The following SORBS2 variants were observed in gnomAD, a reference collection of about 807,000 sequenced individuals.
SORBS2 encodes sorbin and SH3 domain-containing protein 2.
In SORBS2, 46 loss-of-function variants were observed where a neutral mutation model predicts 97.7. The observed-to-expected ratio is 0.47, with a 90% CI of 0.37 to 0.60. The LOEUF is 0.60. Ranked by LOEUF, SORBS2 falls within the 20% of genes least tolerant of loss-of-function variation. The pLI, the probability that SORBS2 is intolerant of heterozygous loss-of-function variation, is 0.00. For synonymous variants in SORBS2, 476 were observed against 473.4 expected (o/e 1.01, Z -0.07); for missense variants, 1,316 against 1,282.3 (o/e 1.03, Z -0.40).
intron 1 of SORBS2, among the ~76,000 whole-genome samples, chr4:185,653,990 T>C (rs1371191880): frequency 6.6e-6 from 1 of 152,242 alleles, no homozygotes; most frequent in East Asian, 1.9e-4. Context: ...GATCTTTTTT[T>C]CCCCAGAAAT....
exon 1 of SORBS2, chr4:185,656,907 CT>C: frequency 2.4e-6 from 3 of 1,243,800 alleles, no homozygotes; most frequent in Non-Finnish European, 2.0e-6. Context: ...CTTCAGACAG[CT>C]TTTCCTTTCC....
In SORBS2 at chr4:185,850,536, G is replaced by A. The variant is rs116415279; in HGVS notation, c.-337-75170C>T. On this transcript the variant is annotated intron_variant, in intron 1 of 20. Transcript: ENST00000284776. ...GCTCTGTTCTCCTACATCAAAATAGGGACTTAATGAATTTGATTTGTGAGT... is the reference window on the plus strand; with the variant it reads ...GCTCTGTTCTCCTACATCAAAATAGAGACTTAATGAATTTGATTTGTGAGT... Among the ~76,000 whole-genome samples, 994 of 152,178 alleles carry A rather than the reference G, an allele frequency of 6.5e-3. 4 individuals carry two copies. The highest frequency in any genetic ancestry group is 0.011 in the Non-Finnish European group (716 of 68,024).
chr4:185,804,130 T>C (rs1471264232), intron 1 of SORBS2, among the ~76,000 whole-genome samples: 2 of 152,210 alleles, frequency 1.3e-5, no homozygotes, highest in African/African-American at 4.8e-5. Flanking sequence ...AAAAGCATAC[T>C]GACCAAAAAC....
chr4:185,842,732 C>T (rs2099212331), intron 1 of SORBS2, among the ~76,000 whole-genome samples: 1 of 151,954 alleles, frequency 6.6e-6, no homozygotes, highest in African/African-American at 2.4e-5. Context: ...TTCAGGAGAT[C>T]GAGACCATTT....
chr4:185,666,336 G>C (rs1223451210), intron 4 of SORBS2: 1 of 400,582 alleles, frequency 2.5e-6, no homozygotes, highest in Admixed American at 3.1e-5. Context: ...ATTCAGATGG[G>C]TTAGGTGCCA....
At chr4:185,953,899 C>T (rs1355442578) in intron 1 of SORBS2, among the ~76,000 whole-genome samples, 2 of 152,258 alleles carry the variant, frequency 1.3e-5, no homozygotes, top group African/African-American at 4.8e-5. Context: ...TCCATCACAC[C>T]TGTGTGTGTC....
intron 7 of SORBS2, 79 bp downstream of exon 19, chr4:185,622,835 G>C: frequency 7.1e-7 from 1 of 1,403,992 alleles, no homozygotes. Context: ...CGGGAGTGAT[G>C]AGATGTTGGA....
chr4:185,769,434 C>T (rs934289825), intron 2 of SORBS2, among the ~76,000 whole-genome samples: 1 of 152,204 alleles, frequency 6.6e-6, no homozygotes, highest in African/African-American at 2.4e-5. Context: ...TTATTTGCTA[C>T]CAATAAGCAA....
chr4:185,745,253 C>T (rs751555034), intron 2 of SORBS2, among the ~76,000 whole-genome samples: 15 of 152,098 alleles, frequency 9.9e-5, no homozygotes, highest in Non-Finnish European at 4.4e-5. Flanking sequence ...TGTCTCTATC[C>T]GAGAGTGCAT....
In SORBS2 at chr4:185,782,151, T is replaced by C. The variant is rs184249416; in HGVS notation, c.-337-6785A>G. ...CACAAGAGTACATTTTTTGGTTCTATATTTATCAGAACTTGTGAAATAAAA... is the reference window on the plus strand; with the variant it reads ...CACAAGAGTACATTTTTTGGTTCTACATTTATCAGAACTTGTGAAATAAAA... On this transcript the variant is annotated intron_variant, in intron 1 of 20. Transcript: ENST00000284776. Among the ~76,000 whole-genome samples the C allele has an allele frequency of 4.0e-4, 61 of 152,328 alleles. No individual in the cohort carries two copies. In the East Asian group the frequency reaches 0.01, roughly 26 times the overall value.
At chr4:185,784,382 G>A (rs776752030) in intron 1 of SORBS2, among the ~76,000 whole-genome samples, 2 of 152,060 alleles carry the variant, frequency 1.3e-5, no homozygotes, top group East Asian at 1.9e-4. Flanking sequence ...CGCCCACCTC[G>A]GCCTCCCAAA....
At chr4:185,657,617 C>G, upstream of SORBS2, 2 of 1,585,278 alleles carry the variant, frequency 1.3e-6, no homozygotes, top group Non-Finnish European at 1.7e-6. Flanking sequence ...AATTTGGTAA[C>G]ATGGAACGTA....
rs772868673 is a variant in SORBS2 at position 185,611,940 on chromosome 4, C to A, written c.2636G>T (p.Trp879Leu). 3 of 1,613,232 alleles carry A rather than the reference C, an allele frequency of 1.9e-6. No individual in the cohort carries two copies. In the South Asian group the frequency reaches 3.3e-5, roughly 18 times the overall value. The change falls in exon 12 of 15, where the codon TGG becomes TTG. Residue 879 changes from tryptophan (W) to leucine (L), a missense_variant. Coordinates refer to ENST00000418609, the Ensembl canonical transcript of SORBS2. ...GGTTCCTGGGATTTTACCTTCATAC[C>A]AGTTTTGATCAACTCTTTTAAGAAG...
In SORBS2 at chr4:185,606,753, T is replaced by C. The variant is rs181440084; in HGVS notation, c.2796+5027A>G. 4.0e-4 allele frequency: 398 copies of C among 985,312 alleles called. 1 individual carries two copies. The African/African-American group carries it at 6.3e-3, about 16-fold the overall frequency. The allele number at this position is 985,312 out of a possible 1,614,324, so 61.0% of individuals were successfully genotyped here. A position where few individuals can be genotyped will look rare whatever the true frequency, so the allele number is the denominator to read the frequency against. On this transcript the variant is annotated intron_variant, in intron 12 of 14. Coordinates refer to ENST00000418609, the Ensembl canonical transcript of SORBS2. This position sits in a 1 kb window ranked among gnomAD's most constrained non-coding sequence, Gnocchi z 4.3. ...CGTGGCCACACCACCAGGCGTCTCC[T>C]TCCTGAGGTTCTGGCGGCCCTCTCT...
chr4:185,666,131 C>G, intron 4 of SORBS2: 2 of 1,289,802 alleles, frequency 1.6e-6, no homozygotes, highest in African/African-American at 3.0e-5. Flanking sequence ...GGAGGAGAAG[C>G]TTCTGGTGTG....
intron 1 of SORBS2, among the ~76,000 whole-genome samples, chr4:185,824,877 A>G (rs554253307): frequency 1.3e-5 from 2 of 152,176 alleles, no homozygotes; most frequent in Admixed American, 1.3e-4. Flanking sequence ...CCACACTCTC[A>G]TGCCAAAGTG....
At chr4:185,949,000 A>G (rs2099275898) in intron 1 of SORBS2, among the ~76,000 whole-genome samples, 1 of 152,128 alleles carries the variant, frequency 6.6e-6, no homozygotes, top group Non-Finnish European at 1.5e-5. Flanking sequence ...GAGTTATTAA[A>G]AGGTATAAAG....
intron 1 of SORBS2, among the ~76,000 whole-genome samples, chr4:185,944,949 C>T (rs966190273): frequency 6.6e-6 from 1 of 152,182 alleles, no homozygotes; most frequent in Non-Finnish European, 1.5e-5. Flanking sequence ...CAGCAGCCAA[C>T]AATTTATAGG....
chr4:185,951,216 A>T (rs1026122529), intron 1 of SORBS2, among the ~76,000 whole-genome samples: 1 of 152,208 alleles, frequency 6.6e-6, no homozygotes, highest in African/African-American at 2.4e-5. Flanking sequence ...ATCAGGGAAA[A>T]CATACACTTG....
Sources: allele counts gnomAD v4.1 joint callset (sites outside exome capture counted in the v4.1 genomes callset), GRCh38; gene constraint gnomAD v4.1.1; non-coding constraint Gnocchi (gnomAD v3.1); transcripts MANE v1.5; gene names NCBI Gene and HGNC (gene_info 2026-07-23, HGNC 2026-07-21).